Variants in RASSF5 observed in about 807,000 individuals in gnomAD.
RASSF5 encodes the protein Ras association domain family member 5, also known as ras association domain-containing protein 5.
Under a neutral mutation model 40.5 loss-of-function variants are expected in RASSF5, and 25 were observed. The observed-to-expected ratio is 0.62, with a 90% CI of 0.45 to 0.86. The LOEUF is 0.86. Ranked by LOEUF, RASSF5 falls within the 40% of genes least tolerant of loss-of-function variation. The pLI is 0.00. For missense variants in RASSF5, 521 were observed against 572.8 expected, an observed-to-expected ratio of 0.91 and a Z score of 0.92; for synonymous variants, 246 against 252.4, an observed-to-expected ratio of 0.97 and a Z score of 0.24.
chr1:206,524,094 T>C (rs1386197009), intron 1 of RASSF5, among the ~76,000 whole-genome samples: 2 of 126,496 alleles, frequency 1.6e-5, no homozygotes, highest in East Asian at 2.2e-4. Context: ...ATAATATGTA[T>C]ACCATATATA....
chr1:206,557,044 T>A (rs1668008892), intron 2 of RASSF5: 1 of 633,306 alleles, frequency 1.6e-6, no homozygotes, highest in Non-Finnish European at 2.0e-6. Context: ...TTATATGACC[T>A]GCAGTTCCCT....
At position 206,584,614 on chromosome 1, in the gene RASSF5, C is replaced by G; in HGVS notation, c.918C>G (p.Leu306=). ...TCAGTGAGGTCATCCAGGGGCTGCT[C>G]AAGAAGTTCATGGTTGTGGACAATC... The part of the protein sequence containing the change: ...TTVSEVIQGL[L]KKFMVVDNPQ... Residue 306 remains leucine, a synonymous_variant, in exon 4 of 6, where the codon CTC becomes CTG. Coordinates refer to ENST00000579436, the MANE Select transcript of RASSF5 (RefSeq NM_182663.4). The surrounding 1 kb of genome is among the most constrained non-coding windows in gnomAD (Gnocchi z 4.9). 1 of 1,614,202 alleles carries G rather than the reference C, an allele frequency of 6.2e-7. No homozygotes were observed. The highest frequency in any genetic ancestry group is 8.5e-7 in the Non-Finnish European group (1 of 1,180,042).
chr1:206,584,616 A>G lies in RASSF5; in HGVS notation c.920A>G (p.Lys307Arg), dbSNP rs1553407164. The change falls in exon 4 of 6, where the codon AAG becomes AGG. Residue 307 changes from lysine to arginine, a missense_variant. Physicochemically the swap from Lys to Arg is conservative, Grantham distance 26. Transcript: ENST00000579436. This position sits in a 1 kb window ranked among gnomAD's most constrained non-coding sequence, Gnocchi z 4.9. ...AGTGAGGTCATCCAGGGGCTGCTCAAGAAGTTCATGGTTGTGGACAATCCC... is the reference window on the plus strand; with the variant it reads ...AGTGAGGTCATCCAGGGGCTGCTCAGGAAGTTCATGGTTGTGGACAATCCC... ...TVSEVIQGLL[K>R]KFMVVDNPQK... 2 of 1,614,208 alleles carry G rather than the reference A, an allele frequency of 1.2e-6. No homozygotes were observed. Among genetic ancestry groups the G allele is most frequent in the East Asian group, 2.2e-5 (1 of 44,866 alleles).
intron 2 of RASSF5, chr1:206,557,496 G>T (rs1668022591): frequency 6.3e-7 from 1 of 1,595,186 alleles, no homozygotes; most frequent in African/African-American, 1.3e-5. Flanking sequence ...CCGGGGAGGG[G>T]TGCCCACCTC....
At chr1:206,529,425 T>C (rs1553397657) in intron 1 of RASSF5, 1 of 816,570 alleles carries the variant, frequency 1.2e-6, no homozygotes, top group African/African-American at 1.7e-5. Context: ...GCCTGCCCTG[T>C]GTCATAAAAT....
At chr1:206,548,261 T>C (rs1667747573) in intron 2 of RASSF5, among the ~76,000 whole-genome samples, 1 of 152,208 alleles carries the variant, frequency 6.6e-6, no homozygotes, top group Non-Finnish European at 1.5e-5. Flanking sequence ...GTTTGACTCA[T>C]GGTTCTGCAG....
chr1:206,565,672 A>T (rs73080943), intron 2 of RASSF5, among the ~76,000 whole-genome samples: 11,619 of 152,266 alleles, frequency 0.076, 630 homozygotes, highest in African/African-American at 0.16. Flanking sequence ...GCTCTCAGCA[A>T]CTGCCTTGCA....
chr1:206,580,152 G>C (rs938905261), intron 2 of RASSF5, among the ~76,000 whole-genome samples: 1 of 152,204 alleles, frequency 6.6e-6, no homozygotes, highest in East Asian at 1.9e-4. Context: ...GTGGGAAGGG[G>C]AGAGATAGAT....
In RASSF5 at chr1:206,564,730, T is replaced by A. The variant is rs543582386; in HGVS notation, c.580-18539T>A. On this transcript the variant is annotated intron_variant, in intron 2 of 5. Transcript: ENST00000579436. Reference sequence around the variant, plus strand: ...CTGCAGGTCCTTGGTTTCTTCTTCTTCATGGTTTAGTCTACCTCAAAGAGC... The same window carrying A: ...CTGCAGGTCCTTGGTTTCTTCTTCTACATGGTTTAGTCTACCTCAAAGAGC... 2.6e-5 allele frequency among the ~76,000 whole-genome samples: 4 copies of A among 152,282 alleles called. No homozygotes were observed. In the East Asian group the frequency reaches 7.7e-4, roughly 29 times the overall value.
intron 2 of RASSF5, among the ~76,000 whole-genome samples, chr1:206,546,283 A>G (rs1298826193): frequency 6.7e-6 from 1 of 150,258 alleles, no homozygotes; most frequent in Admixed American, 6.6e-5. Context: ...ACTTTTTTGT[A>G]CTTTTCGTAG....
chr1:206,548,860 T>G (rs1448693572), intron 2 of RASSF5, among the ~76,000 whole-genome samples: 2 of 152,044 alleles, frequency 1.3e-5, no homozygotes, highest in African/African-American at 4.8e-5. Flanking sequence ...CTGTGGTTCA[T>G]TTTGTTTTGT....
intron 3 of RASSF5, among the ~76,000 whole-genome samples, chr1:206,583,973 A>G (rs189743332): frequency 6.7e-4 from 102 of 152,332 alleles, no homozygotes; most frequent in African/African-American, 2.1e-3. Flanking sequence ...GTAAAGAGAT[A>G]CAGGAGGAAA....
intron 1 of RASSF5, among the ~76,000 whole-genome samples, chr1:206,517,694 G>C (rs1666786249): frequency 6.6e-6 from 1 of 152,200 alleles, no homozygotes; most frequent in Non-Finnish European, 1.5e-5. Context: ...GCTTCTGGGA[G>C]TCAGAGTGAG....
In RASSF5 at chr1:206,523,664, TA is replaced by T. The variant is rs1176536003; in HGVS notation, c.458-14504del. Among the ~76,000 whole-genome samples the T allele has an allele frequency of 2.7e-3, 263 of 98,798 alleles. 2 individuals are homozygous for T. Among genetic ancestry groups the T allele is most frequent in the Non-Finnish European group, 3.6e-3 (193 of 53,704 alleles). The allele number at this position is 98,798 out of a possible 152,430, so 64.8% of individuals were successfully genotyped here. ...ATATAATATATTTATATAAAATATA[TA>T]AAATATATTATATATAAATATATTA... is the stretch of plus-strand genomic sequence containing the variant. On this transcript the variant is annotated intron_variant, in intron 1 of 5. Transcript: ENST00000579436.
chr1:206,582,439 T>G (rs1161374180), intron 2 of RASSF5, among the ~76,000 whole-genome samples: 2 of 152,192 alleles, frequency 1.3e-5, no homozygotes, highest in African/African-American at 4.8e-5. Flanking sequence ...GTTGCTAAAC[T>G]TCTCTTAGTC....
chr1:206,569,022 G>C (rs554452497), intron 2 of RASSF5, among the ~76,000 whole-genome samples: 1 of 152,340 alleles, frequency 6.6e-6, no homozygotes, highest in Non-Finnish European at 1.5e-5. Context: ...GCCATGACAG[G>C]GTAGTGGGAG....
At chr1:206,582,465 G>T (rs1490693634) in intron 2 of RASSF5, among the ~76,000 whole-genome samples, 5 of 152,198 alleles carry the variant, frequency 3.3e-5, no homozygotes, top group African/African-American at 1.2e-4. Flanking sequence ...AGTCTCACCT[G>T]TAAGATGGGG....
chr1:206,580,175 T>C (rs1166839268), intron 2 of RASSF5, among the ~76,000 whole-genome samples: 1 of 152,152 alleles, frequency 6.6e-6, no homozygotes, highest in Non-Finnish European at 1.5e-5. Context: ...GTCTATCTGC[T>C]GAAGAAAGGG....
chr1:206,515,006 A>G (rs1666711523), intron 1 of RASSF5, among the ~76,000 whole-genome samples: 1 of 152,258 alleles, frequency 6.6e-6, no homozygotes, highest in Non-Finnish European at 1.5e-5. Context: ...GAGGAAACAC[A>G]GCATTCAGGG....
Sources: allele counts gnomAD v4.1 joint callset (sites outside exome capture counted in the v4.1 genomes callset), GRCh38; gene constraint gnomAD v4.1.1; non-coding constraint Gnocchi (gnomAD v3.1); transcripts MANE v1.5; gene names NCBI Gene and HGNC (gene_info 2026-07-23, HGNC 2026-07-21).